BTBD9: variants seen among roughly 807,000 people sequenced by gnomAD.
The protein encoded by BTBD9 is BTB/POZ domain-containing protein 9.
In BTBD9, 49 loss-of-function variants were observed where a neutral mutation model predicts 64.3. The ratio of observed to expected loss-of-function variants is 0.76; its 90% CI spans 0.61 to 0.97. The LOEUF (loss-of-function observed/expected upper bound fraction) is 0.97, where lower values mean the gene tolerates loss of function less well. Among genes scored for constraint, BTBD9 ranks in the 50% least tolerant of loss-of-function variants. BTBD9 has a pLI of 0.00. For missense variants in BTBD9, 598 were observed against 762.1 expected (o/e 0.78, Z 2.53); for synonymous variants, 260 against 274.7 (o/e 0.95, Z 0.53).
Position 38,299,404 on chromosome 6 carries a change from T to C in BTBD9, c.1265-10943A>G, listed in dbSNP as rs1292746111. ...GGATTGCTGGGTCAAATGGTATTTC[T>C]AGTTCTAGATCCCTGAGGAATCGCC... On this transcript the variant is annotated intron_variant, in intron 7 of 10. Coordinates refer to ENST00000481247, the MANE Select transcript of BTBD9 (RefSeq NM_001099272.2). 3.9e-5 allele frequency among the ~76,000 whole-genome samples: 6 copies of C among 152,360 alleles called. 1 individual carries two copies. The highest frequency in any genetic ancestry group is 1.4e-4 in the African/African-American group (6 of 41,586).
At chr6:38,215,380 G>T (rs1321557193) in intron 9 of BTBD9, among the ~76,000 whole-genome samples, 1 of 152,098 alleles carries the variant, frequency 6.6e-6, no homozygotes, top group African/African-American at 2.4e-5. Flanking sequence ...TTCAATGTCG[G>T]CCTCCGGGCT....
intron 6 of BTBD9, among the ~76,000 whole-genome samples, chr6:38,379,519 A>C (rs1765838253): frequency 6.6e-6 from 1 of 152,210 alleles, no homozygotes; most frequent in South Asian, 2.1e-4. Flanking sequence ...GGCAAAGAGA[A>C]TTCCAAGGAT....
At chr6:38,592,476 G>C in intron 4 of BTBD9, 100 bp downstream of exon 4, 1 of 1,269,946 alleles carries the variant, frequency 7.9e-7, no homozygotes. Flanking sequence ...CATATTTCAT[G>C]TACACCTGCA....
intron 6 of BTBD9, among the ~76,000 whole-genome samples, chr6:38,421,166 AACATGG>A (rs1488821756): frequency 6.6e-6 from 1 of 152,160 alleles, no homozygotes; most frequent in Non-Finnish European, 1.5e-5. Flanking sequence ...CAGCCTGGCC[AACATGG>A]CAAAACCCCA....
intron 6 of BTBD9, among the ~76,000 whole-genome samples, chr6:38,455,576 T>C (rs996439177): frequency 6.6e-6 from 1 of 152,264 alleles, no homozygotes; most frequent in African/African-American, 2.4e-5. Flanking sequence ...ACATACATGC[T>C]GTTGTGTGTG....
intron 1 of BTBD9, among the ~76,000 whole-genome samples, chr6:38,605,345 G>C (rs9349094): frequency 0.074 from 11,324 of 152,142 alleles, 966 homozygotes; most frequent in East Asian, 0.23. Context: ...ACCATACCCA[G>C]CCAGCTTTAC....
chr6:38,476,265 A>G (rs1368119643), intron 6 of BTBD9, among the ~76,000 whole-genome samples: 1 of 152,226 alleles, frequency 6.6e-6, no homozygotes, highest in Non-Finnish European at 1.5e-5. Context: ...TAAAAGCATA[A>G]TTCAGTGTAC....
At chr6:38,548,975 G>C (rs970591414) in intron 6 of BTBD9, among the ~76,000 whole-genome samples, 5 of 152,134 alleles carry the variant, frequency 3.3e-5, no homozygotes, top group Non-Finnish European at 7.4e-5. Flanking sequence ...TAAATTCTAA[G>C]GATTTAAGAT....
chr6:38,478,225 C>G (rs548652581), intron 6 of BTBD9, among the ~76,000 whole-genome samples: 23 of 152,260 alleles, frequency 1.5e-4, no homozygotes, highest in Admixed American at 5.2e-4. Context: ...TGAGGAGAAA[C>G]ATGTGCAAAG....
chr6:38,356,875 A>G (rs191418828), intron 6 of BTBD9, among the ~76,000 whole-genome samples: 1 of 152,300 alleles, frequency 6.6e-6, no homozygotes, highest in African/African-American at 2.4e-5. Flanking sequence ...CCTGACTACC[A>G]GAGTTCTAGA....
intron 7 of BTBD9, among the ~76,000 whole-genome samples, chr6:38,326,985 TTAC>T (rs1384035261): frequency 2.0e-5 from 3 of 152,202 alleles, no homozygotes; most frequent in Admixed American, 6.5e-5. Context: ...TTCGGCTTTA[TTAC>T]CACTTTAGTT....
intron 7 of BTBD9, among the ~76,000 whole-genome samples, chr6:38,310,301 G>A (rs1762780607): frequency 6.6e-6 from 1 of 152,118 alleles, no homozygotes; most frequent in African/African-American, 2.4e-5. Flanking sequence ...AAATCCCTGA[G>A]TGTGAAGGAC....
At chr6:38,505,964 C>CAACAAAAAAAAAAAAAAAAAAA (rs1175511241) in intron 6 of BTBD9, among the ~76,000 whole-genome samples, 1 of 82,628 alleles carries the variant, frequency 1.2e-5, no homozygotes, top group African/African-American at 4.1e-5. Context: ...TCCGTCTCAA[C>CAACAAAAAAAAAAAAAAAAAAA]AAAAAAAAAA....
At chr6:38,251,799 G>A (rs1444409581) in intron 9 of BTBD9, among the ~76,000 whole-genome samples, 12 of 151,392 alleles carry the variant, frequency 7.9e-5, no homozygotes, top group African/African-American at 1.2e-4. Context: ...GACTGAGGCC[G>A]GAGAATCACT....
intron 6 of BTBD9, among the ~76,000 whole-genome samples, chr6:38,534,391 GA>G (rs1773923739): frequency 6.8e-6 from 1 of 147,808 alleles, no homozygotes; most frequent in Non-Finnish European, 1.5e-5. Flanking sequence ...TCCCAGCAAA[GA>G]AAAGCCTGGG....
At chr6:38,299,594 T>G (rs1258639013) in intron 7 of BTBD9, among the ~76,000 whole-genome samples, 1 of 152,250 alleles carries the variant, frequency 6.6e-6, no homozygotes, top group African/African-American at 2.4e-5. Flanking sequence ...GATTTGCATT[T>G]CTCTGATGGC....
At chr6:38,619,355 G>C (rs1410167206) in intron 1 of BTBD9, among the ~76,000 whole-genome samples, 1 of 152,188 alleles carries the variant, frequency 6.6e-6, no homozygotes, top group Non-Finnish European at 1.5e-5. Context: ...CACAGCCTTA[G>C]TCATGGCCCT....
At position 38,181,779 on chromosome 6, in the gene BTBD9, A is replaced by G. The variant is rs1299069959; in HGVS notation, c.1642-6597T>C. Among the ~76,000 whole-genome samples, 6 of 152,262 alleles carry G rather than the reference A, an allele frequency of 3.9e-5. No homozygotes were observed. The East Asian group carries it at 7.7e-4, about 20-fold the overall frequency. On this transcript the variant is annotated intron_variant, in intron 10 of 10. Coordinates refer to ENST00000481247, the MANE Select transcript of BTBD9 (RefSeq NM_001099272.2). ...GAGAGAGGCGGATCACTTGAGGTCA[A>G]GAGTTCGAGACCAGCCCGGCCGACG...
intron 1 of BTBD9, among the ~76,000 whole-genome samples, chr6:38,610,614 G>A (rs895179857): frequency 6.6e-6 from 1 of 152,102 alleles, no homozygotes; most frequent in Non-Finnish European, 1.5e-5. Context: ...GAAATGGAGA[G>A]GTGCTCATAG....
Sources: gnomAD v4.1 joint callset for allele counts (sites outside exome capture counted in the v4.1 genomes callset) on GRCh38, gnomAD v4.1.1 for gene constraint, MANE v1.5 for transcripts, NCBI Gene and HGNC (gene_info 2026-07-23, HGNC 2026-07-21) for gene names.